The following PRKAR1B variants were observed in gnomAD, a reference collection of about 807,000 sequenced individuals.
PRKAR1B encodes the protein protein kinase cAMP-dependent type I regulatory subunit beta, also known as cAMP-dependent protein kinase type I-beta regulatory subunit.
A neutral mutation model predicts 46.5 loss-of-function variants in PRKAR1B; 22 were observed. That is an observed-to-expected ratio of 0.47 (90% confidence interval 0.34 to 0.68). The LOEUF (loss-of-function observed/expected upper bound fraction) is 0.68, where lower values mean the gene tolerates loss of function less well. Ranked by LOEUF, PRKAR1B falls within the 30% of genes least tolerant of loss-of-function variation. The probability of loss-of-function intolerance (pLI) is 0.01; values close to 1 mark genes in which losing one functional copy is unlikely to be tolerated. For synonymous variants in PRKAR1B, 259 were observed against 217.7 expected (o/e 1.19, Z -1.67); for missense variants, 445 against 535.6 (o/e 0.83, Z 1.67).
chr7:621,892 G>A (rs1002312823), intron 4 of PRKAR1B, among the ~76,000 whole-genome samples: 7 of 152,326 alleles, frequency 4.6e-5, no homozygotes, highest in South Asian at 4.1e-4. Context: ...GTCAGCAGCT[G>A]CTGCCATAGT....
chr7:596,401 G>A (rs1035435767), intron 6 of PRKAR1B, 97 bp from the exon 7 acceptor site: 31 of 1,442,714 alleles, frequency 2.1e-5, no homozygotes, highest in Non-Finnish European at 2.7e-5. Flanking sequence ...CTCCAGAAGA[G>A]GGTCCCCGCA....
At chr7:623,811 T>C (rs1477967053) in intron 4 of PRKAR1B, among the ~76,000 whole-genome samples, 1 of 152,250 alleles carries the variant, frequency 6.6e-6, no homozygotes, top group Admixed American at 6.5e-5. Flanking sequence ...AATAACGTTT[T>C]CTTGGCATTG....
chr7:592,007 G>A (rs1202003857), intron 7 of PRKAR1B, among the ~76,000 whole-genome samples: 1 of 152,250 alleles, frequency 6.6e-6, no homozygotes, highest in Non-Finnish European at 1.5e-5. Flanking sequence ...CCAATGAGAA[G>A]AGAAAGAGGC....
At chr7:605,647 T>A (rs1384374697) in intron 6 of PRKAR1B, among the ~76,000 whole-genome samples, 1 of 152,150 alleles carries the variant, frequency 6.6e-6, no homozygotes, top group East Asian at 1.9e-4. Context: ...TGGGAGCATC[T>A]CATAAAAGAT....
In PRKAR1B at chr7:688,095, C is replaced by CAA. The variant is rs762256783; in HGVS notation, c.178-7371_178-7370dup. ...TGGGCGACAAACCAACACTCCACCT[C>CAA]AAAAAAAAAAAAAAAAAAAAAAAAG... On this transcript the variant is annotated intron_variant, in intron 2 of 10. Transcript: ENST00000537384. Among the ~76,000 whole-genome samples the CAA allele has an allele frequency of 8.6e-3, 290 of 33,756 alleles. 6 individuals are homozygous for CAA. Among genetic ancestry groups the CAA allele is most frequent in the African/African-American group, 0.012 (91 of 7,454 alleles). 22.1% of individuals were successfully genotyped at this position (33,756 alleles called of 152,430 possible).
In PRKAR1B at chr7:626,935, C is replaced by T. The variant is rs550246920; in HGVS notation, c.441-19483G>A. ...CTCTATCACCCAGGCTGTGCAGTGG[C>T]GTGATCTCGGCTCACTGCAAGCTCC... On this transcript the variant is annotated intron_variant, in intron 4 of 10. Coordinates refer to ENST00000537384, the MANE Select transcript of PRKAR1B (RefSeq NM_001164760.2). 1.2e-4 allele frequency among the ~76,000 whole-genome samples: 18 copies of T among 152,220 alleles called. No homozygotes were observed. In the South Asian group the frequency reaches 1.2e-3, roughly 11 times the overall value.
At chr7:726,857 GGCGGCGCGCCTTGGAGGCCCT>G (rs986624487) in intron 1 of PRKAR1B, 3 of 1,318,478 alleles carry the variant, frequency 2.3e-6, no homozygotes, top group Non-Finnish European at 2.9e-6. Flanking sequence ...AAGCCGGGCC[GGCGGCGCGCCTTGGAGGCCCT>G]GCGGCGCGCG....
At chr7:619,665 C>A (rs997749860) in intron 4 of PRKAR1B, among the ~76,000 whole-genome samples, 2 of 152,256 alleles carry the variant, frequency 1.3e-5, no homozygotes, top group East Asian at 1.9e-4. Context: ...CTCGGCCCCA[C>A]GCCATTGTTC....
intron 10 of PRKAR1B, 87 bp downstream of exon 10, chr7:551,302 C>A (rs1051531364): frequency 2.3e-6 from 3 of 1,309,648 alleles, no homozygotes; most frequent in African/African-American, 1.5e-5. Context: ...GGAAGCCCCC[C>A]AGCAGCTCCT....
At chr7:696,078 T>C (rs1053371204) in intron 2 of PRKAR1B, among the ~76,000 whole-genome samples, 8 of 141,124 alleles carry the variant, frequency 5.7e-5, no homozygotes, top group Non-Finnish European at 1.1e-4. Flanking sequence ...AAGCAATCCC[T>C]CCATCTCAGC....
At chr7:634,865 C>G (rs934047231) in intron 4 of PRKAR1B, among the ~76,000 whole-genome samples, 3 of 152,034 alleles carry the variant, frequency 2.0e-5, no homozygotes, top group African/African-American at 7.2e-5. Context: ...GTTTCGAACT[C>G]CTGACCTCAA....
intron 4 of PRKAR1B, among the ~76,000 whole-genome samples, chr7:626,881 ATTT>A (rs1314527525): frequency 6.6e-6 from 1 of 151,464 alleles, no homozygotes; most frequent in African/African-American, 2.4e-5. Flanking sequence ...GCTAATTTTT[ATTT>A]ATTTATTTAT....
chr7:706,422 A>ATTT lies in PRKAR1B; in HGVS notation c.177+4904_177+4906dup, dbSNP rs33963335. On this transcript the variant is annotated intron_variant, in intron 2 of 10. Transcript: ENST00000537384. ...GCTGTGTTTTGCCATCAAATAAGGA[A>ATTT]TTTTTTTTTTTTTTTTTTTGAGACG... 3.5e-3 allele frequency among the ~76,000 whole-genome samples: 361 copies of ATTT among 102,306 alleles called. 25 individuals are homozygous for ATTT. In the East Asian group the frequency reaches 0.082, roughly 23 times the overall value. 67.1% of individuals were successfully genotyped at this position (102,306 alleles called of 152,430 possible). A position where few individuals can be genotyped will look rare whatever the true frequency, so the allele number is the denominator to read the frequency against.
intron 4 of PRKAR1B, chr7:607,852 G>A (rs112576659): frequency 9.8e-6 from 2 of 204,186 alleles, no homozygotes; most frequent in Non-Finnish European, 2.0e-5. Flanking sequence ...TTTCTGCATT[G>A]TTTTCCTTTC....
Position 598,543 on chromosome 7 carries a change from C to T in PRKAR1B, c.550-2239G>A, listed in dbSNP as rs575534918. ...CTAAACACCATCACCCTCCAGCACC[C>T]TCCACACTAGATACCATCACCCTCC... On this transcript the variant is annotated intron_variant, in intron 6 of 10. Transcript: ENST00000537384. 4.1e-5 allele frequency among the ~76,000 whole-genome samples: 6 copies of T among 147,364 alleles called. No homozygotes were observed. In the East Asian group the frequency reaches 1.2e-3, roughly 31 times the overall value.
chr7:654,544 C>T (rs1785089343), intron 4 of PRKAR1B, among the ~76,000 whole-genome samples: 3 of 151,664 alleles, frequency 2.0e-5, no homozygotes, highest in Admixed American at 6.6e-5. Flanking sequence ...TCCTTATCAC[C>T]TTCACCATCA....
At chr7:600,779 C>T (rs1250803064) in intron 6 of PRKAR1B, among the ~76,000 whole-genome samples, 1 of 152,192 alleles carries the variant, frequency 6.6e-6, no homozygotes, top group African/African-American at 2.4e-5. Context: ...AGTCGAGCCC[C>T]AAACAGGGCT....
chr7:712,817 C>T (rs574026595), intron 1 of PRKAR1B: 9 of 150,716 alleles, frequency 6.0e-5, no homozygotes, highest in Admixed American at 2.7e-4. Context: ...CCGCCCCGTT[C>T]ACGACCACCG....
chr7:613,485 G>T (rs1474845479), intron 4 of PRKAR1B, among the ~76,000 whole-genome samples: 1 of 152,168 alleles, frequency 6.6e-6, no homozygotes, highest in Non-Finnish European at 1.5e-5. Flanking sequence ...CAACGTCTGA[G>T]GAAGCGTACG....
Sources: allele counts gnomAD v4.1 joint callset (sites outside exome capture counted in the v4.1 genomes callset), GRCh38; gene constraint gnomAD v4.1.1; transcripts MANE v1.5; gene names NCBI Gene and HGNC (gene_info 2026-07-23, HGNC 2026-07-21).